ADAM10: variants seen among roughly 807,000 people sequenced by gnomAD.
The protein encoded by ADAM10 is ADAM metallopeptidase domain 10, also known as disintegrin and metalloproteinase domain-containing protein 10.
In ADAM10, 17 loss-of-function variants were observed where a neutral mutation model predicts 90.1. That is an observed-to-expected ratio of 0.19 (90% CI 0.13 to 0.28). The LOEUF (loss-of-function observed/expected upper bound fraction) is 0.28, where lower values mean the gene tolerates loss of function less well. Ranked by LOEUF, ADAM10 falls within the 10% of genes least tolerant of loss-of-function variation. The pLI is 1.00. For missense variants in ADAM10, 610 were observed against 914.3 expected, an observed-to-expected ratio of 0.67 and a Z score of 4.29; for synonymous variants, 310 against 298.6, an observed-to-expected ratio of 1.04 and a Z score of -0.40.
At chr15:58,622,616 G>A (rs1031569728) in intron 10 of ADAM10, among the ~76,000 whole-genome samples, 1 of 152,096 alleles carries the variant, frequency 6.6e-6, no homozygotes, top group Non-Finnish European at 1.5e-5. Context: ...GAACAAACAT[G>A]TATTATTTAT....
chr15:58,599,785 T>A, intron 14 of ADAM10, 61 bp from the exon 15 acceptor site: 1 of 1,523,924 alleles, frequency 6.6e-7, no homozygotes, highest in Non-Finnish European at 9.0e-7. Context: ...TTAGAGTATC[T>A]TTTACAGTAT....
Position 58,597,541 on chromosome 15 carries a change from C to A in ADAM10, c.*6G>T. ...GCACTAGGAAGAACCAAGGCAAAAGCTGCAGTTAGCGTCTCATGTGTCCCA... is the reference window on the plus strand; with the variant it reads ...GCACTAGGAAGAACCAAGGCAAAAGATGCAGTTAGCGTCTCATGTGTCCCA... On this transcript the variant is annotated 3_prime_UTR_variant, in exon 16 of 16. Coordinates refer to ENST00000260408, the MANE Select transcript of ADAM10 (RefSeq NM_001110.4). The A allele has an allele frequency of 6.2e-7, 1 of 1,614,126 alleles. No individual in the cohort carries two copies. The highest frequency in any genetic ancestry group is 8.5e-7 in the Non-Finnish European group (1 of 1,180,020).
At chr15:58,642,634 A>T (rs1178187824) in intron 7 of ADAM10, among the ~76,000 whole-genome samples, 1 of 152,130 alleles carries the variant, frequency 6.6e-6, no homozygotes, top group East Asian at 1.9e-4. Context: ...CTACCACATC[A>T]TTTACTTATA....
intron 2 of ADAM10, among the ~76,000 whole-genome samples, chr15:58,710,648 A>G (rs1477238875): frequency 6.6e-6 from 1 of 152,216 alleles, no homozygotes; most frequent in Non-Finnish European, 1.5e-5. Flanking sequence ...AGTAGGTACT[A>G]AATAAATATT....
intron 1 of ADAM10, among the ~76,000 whole-genome samples, chr15:58,738,285 T>C (rs1250541661): frequency 6.6e-6 from 1 of 152,228 alleles, no homozygotes; most frequent in Non-Finnish European, 1.5e-5. Flanking sequence ...ATAATACATA[T>C]TCACTCAGAT....
rs79522282 is a variant in ADAM10, at chr15:58,627,800, T to C, written c.1260A>G (p.Arg420=). The change falls in exon 10 of 16, where the codon AGA becomes AGG. Residue 420 remains arginine (R), a synonymous_variant. Coordinates refer to ENST00000260408, the MANE Select transcript of ADAM10 (RefSeq NM_001110.4). Reference sequence around the variant, plus strand: ...TGTTAAGTTTGTCCCCAGATGTTGCTCTTGCATACATGATGTAATTGCCAT... The same window carrying C: ...TGTTAAGTTTGTCCCCAGATGTTGCCCTTGCATACATGATGTAATTGCCAT... The part of the protein sequence containing the change: ...KENGNYIMYA[R]ATSGDKLNNN... 2,866 of 1,613,714 alleles carry C rather than the reference T, an allele frequency of 1.8e-3. 75 individuals are homozygous for C. In the East Asian group the frequency reaches 0.051, roughly 29 times the overall value.
At chr15:58,609,996 C>A in intron 14 of ADAM10, 1 of 321,302 alleles carries the variant, frequency 3.1e-6, no homozygotes, top group Non-Finnish European at 5.7e-6. Context: ...TTTTTAAGTC[C>A]CATGAAAATG....
At chr15:58,708,840 T>G (rs1214032724) in intron 2 of ADAM10, among the ~76,000 whole-genome samples, 1 of 152,178 alleles carries the variant, frequency 6.6e-6, no homozygotes, top group East Asian at 1.9e-4. Flanking sequence ...GCACACAAAT[T>G]AACAACTTTA....
chr15:58,607,972 C>T (rs1895325149), intron 14 of ADAM10, among the ~76,000 whole-genome samples: 1 of 152,168 alleles, frequency 6.6e-6, no homozygotes, highest in Non-Finnish European at 1.5e-5. Flanking sequence ...CTGATGAATG[C>T]TCTTAAATGT....
At chr15:58,683,501 G>A (rs1442482253) in intron 2 of ADAM10, among the ~76,000 whole-genome samples, 1 of 152,128 alleles carries the variant, frequency 6.6e-6, no homozygotes, top group African/African-American at 2.4e-5. Flanking sequence ...TTCTAGAAAT[G>A]TATCTTACAT....
Position 58,664,692 on chromosome 15 carries a change from T to C in ADAM10, c.585+405A>G, listed in dbSNP as rs533826940. On this transcript the variant is annotated intron_variant, in intron 5 of 15. Coordinates refer to ENST00000260408, the MANE Select transcript of ADAM10 (RefSeq NM_001110.4). ...AAAATAATTAAAATACGAAAAGTCCTGAGATTTTTATTAACATGACCAACC... is the reference window on the plus strand; with the variant it reads ...AAAATAATTAAAATACGAAAAGTCCCGAGATTTTTATTAACATGACCAACC... 6.6e-5 allele frequency among the ~76,000 whole-genome samples: 10 copies of C among 152,262 alleles called. No individual in the cohort carries two copies. In the South Asian group the frequency reaches 1.9e-3, roughly 28 times the overall value.
intron 2 of ADAM10, among the ~76,000 whole-genome samples, chr15:58,716,068 T>TA (rs1898648961): frequency 6.6e-6 from 1 of 152,212 alleles, no homozygotes; most frequent in South Asian, 2.1e-4. Flanking sequence ...CTCCTTCAGA[T>TA]AAAGAAGATT....
intron 10 of ADAM10, among the ~76,000 whole-genome samples, chr15:58,624,372 G>A (rs1479270673): frequency 6.6e-6 from 1 of 152,070 alleles, no homozygotes; most frequent in Non-Finnish European, 1.5e-5. Flanking sequence ...TACAAGTCTA[G>A]TAATAATTTT....
Position 58,621,506 on chromosome 15 carries a change from T to C in ADAM10, c.1476A>G (p.Gly492=). ...TCCCAGGTTTCAGTTTGCATTTTCT[T>C]CCCTCTGGTTGATTTGCATCGAAGC... is the stretch of plus-strand genomic sequence containing the variant. The part of the protein sequence containing the change: ...ECCFDANQPE[G]RKCKLKPGKQ... The change falls in exon 11 of 16, where the codon GGA becomes GGG. Residue 492 remains glycine (G), a synonymous_variant. Transcript: ENST00000260408. The C allele has an allele frequency of 6.2e-7, 1 of 1,614,130 alleles. No individual in the cohort carries two copies. Among genetic ancestry groups the C allele is most frequent in the Non-Finnish European group, 8.5e-7 (1 of 1,180,004 alleles).
chr15:58,631,888 T>C (rs1340637025), intron 9 of ADAM10, among the ~76,000 whole-genome samples: 1 of 152,234 alleles, frequency 6.6e-6, no homozygotes, highest in African/African-American at 2.4e-5. Context: ...AGAACATTAA[T>C]AATAATCTAT....
intron 1 of ADAM10, among the ~76,000 whole-genome samples, chr15:58,743,667 C>CTT (rs1899688201): frequency 6.6e-6 from 1 of 151,502 alleles, no homozygotes; most frequent in African/African-American, 2.4e-5. Flanking sequence ...TGCAGTGGTG[C>CTT]GATCTCAGCT....
chr15:58,747,523 C>A (rs1899830171), intron 1 of ADAM10: 1 of 152,176 alleles, frequency 6.6e-6, no homozygotes, highest in Non-Finnish European at 1.5e-5. Flanking sequence ...AAAGATCTTA[C>A]AAGTGACCAA....
At chr15:58,732,035 A>G (rs1042475461) in intron 1 of ADAM10, among the ~76,000 whole-genome samples, 1 of 152,186 alleles carries the variant, frequency 6.6e-6, no homozygotes, top group Non-Finnish European at 1.5e-5. Context: ...CATGTCAAAG[A>G]AGGTTTTCAC....
intron 1 of ADAM10, among the ~76,000 whole-genome samples, chr15:58,736,292 C>T (rs1204634322): frequency 2.0e-5 from 3 of 152,194 alleles, no homozygotes; most frequent in African/African-American, 7.2e-5. Flanking sequence ...CTTTATTTCA[C>T]CTACACAGAA....
Sources: allele counts gnomAD v4.1 joint callset (sites outside exome capture counted in the v4.1 genomes callset), GRCh38; gene constraint gnomAD v4.1.1; transcripts MANE v1.5; gene names NCBI Gene and HGNC (gene_info 2026-07-23, HGNC 2026-07-21).